The following SLC24A3 variants were observed in gnomAD, a reference collection of about 807,000 sequenced individuals.
SLC24A3 encodes solute carrier family 24 member 3, also known as sodium/potassium/calcium exchanger 3.
SLC24A3 carries 28 observed loss-of-function variants against 75.8 expected under a neutral mutation model. That is an observed-to-expected ratio of 0.37 (90% CI 0.27 to 0.51). SLC24A3 has a LOEUF of 0.51. Among genes scored for constraint, SLC24A3 ranks in the 20% least tolerant of loss-of-function variants. The pLI, the probability that SLC24A3 is intolerant of heterozygous loss-of-function variation, is 0.94. For missense variants in SLC24A3, 663 were observed against 847.8 expected, an observed-to-expected ratio of 0.78 and a Z score of 2.71; for synonymous variants, 372 against 334.1, an observed-to-expected ratio of 1.11 and a Z score of -1.24.
rs540609418 is a variant in SLC24A3, at chr20:19,240,303, A to C, written c.142+27319A>C. Among the ~76,000 whole-genome samples the C allele has an allele frequency of 3.3e-5, 5 of 152,258 alleles. No homozygotes were observed. The East Asian group carries it at 5.8e-4, about 18-fold the overall frequency. ...TTGCAGCCTCAATGGTGTACATCTG[A>C]GGTTCCTGTTGCTTTGAAATAACAT... is the stretch of plus-strand genomic sequence containing the variant. On this transcript the variant is annotated intron_variant, in intron 1 of 16. Coordinates refer to ENST00000328041, the MANE Select transcript of SLC24A3 (RefSeq NM_020689.4).
chr20:19,485,309 C>G (rs184445054), intron 2 of SLC24A3, among the ~76,000 whole-genome samples: 1 of 152,106 alleles, frequency 6.6e-6, no homozygotes, highest in Non-Finnish European at 1.5e-5. Flanking sequence ...CCTTGACACC[C>G]AGTAAGTGAA....
chr20:19,553,137 CA>C (rs1194883815), intron 3 of SLC24A3, among the ~76,000 whole-genome samples: 131 of 87,046 alleles, frequency 1.5e-3, no homozygotes, highest in African/African-American at 4.1e-3. Flanking sequence ...ATTATTCTGG[CA>C]AATCACAAGC....
At chr20:19,698,520 G>A (rs1363865216) in intron 14 of SLC24A3, 48 bp from the exon 15 acceptor site, 1 of 1,461,610 alleles carries the variant, frequency 6.8e-7, no homozygotes, top group Non-Finnish European at 9.4e-7. Context: ...TCCTGTGTGG[G>A]GCCCCTGGGT....
intron 3 of SLC24A3, among the ~76,000 whole-genome samples, chr20:19,577,878 A>G (rs1600287419): frequency 6.6e-6 from 1 of 152,352 alleles, no homozygotes; most frequent in South Asian, 2.1e-4. Context: ...AGGTTTGATA[A>G]CTTATTGTAG....
intron 2 of SLC24A3, among the ~76,000 whole-genome samples, chr20:19,339,070 T>C (rs1600437080): frequency 6.6e-6 from 1 of 152,208 alleles, no homozygotes; most frequent in Admixed American, 6.5e-5. Flanking sequence ...TCGGAAGAGC[T>C]GTGAACTTGC....
intron 2 of SLC24A3, chr20:19,284,180 T>C (rs761674605): frequency 9.1e-5 from 14 of 153,030 alleles, no homozygotes; most frequent in African/African-American, 1.2e-4. Flanking sequence ...CGGTCTGGAC[T>C]GGACAGATAT....
intron 2 of SLC24A3, among the ~76,000 whole-genome samples, chr20:19,435,539 C>A (rs1164415779): frequency 1.3e-5 from 2 of 152,160 alleles, no homozygotes; most frequent in Non-Finnish European, 2.9e-5. Context: ...ATGATGTGCT[C>A]ACAGTTCAGT....
At chr20:19,334,382 TAA>T (rs1568592388) in intron 2 of SLC24A3, among the ~76,000 whole-genome samples, 3 of 117,914 alleles carry the variant, frequency 2.5e-5, no homozygotes, top group African/African-American at 1.7e-4. Flanking sequence ...GTAAAAAAAA[TAA>T]AGAGTGCTAT....
intron 2 of SLC24A3, among the ~76,000 whole-genome samples, chr20:19,485,598 T>G (rs1485532829): frequency 6.6e-6 from 1 of 152,226 alleles, no homozygotes; most frequent in African/African-American, 2.4e-5. Flanking sequence ...TGTTATTTAT[T>G]TGTAACAAAT....
chr20:19,680,491 TTCTC>T, intron 9 of SLC24A3, among the ~76,000 whole-genome samples: 1 of 152,322 alleles, frequency 6.6e-6, no homozygotes, highest in South Asian at 2.1e-4. Context: ...ATGTCTGCCT[TTCTC>T]TGTCTGTAGT....
rs1347718088 is a variant in SLC24A3, at chr20:19,212,895, G to A, written c.53G>A (p.Arg18His). 1.5e-6 allele frequency: 2 copies of A among 1,315,110 alleles called. No individual in the cohort carries two copies. Among genetic ancestry groups the A allele is most frequent in the Non-Finnish European group, 9.7e-7 (1 of 1,027,500 alleles). 81.5% of individuals were successfully genotyped at this position (1,315,110 alleles called of 1,614,324 possible). A position where few individuals can be genotyped will look rare whatever the true frequency, so the allele number is the denominator to read the frequency against. Reference protein sequence around the residue: ...DRARRRRRRRRRRDLLLSQLC... With the variant: ...DRARRRRRRRHRRDLLLSQLC... ...GCGCGTCGCCGCCGCCGCCGCCGCC[G>A]CCGGAGGGACCTTCTGCTGAGCCAG... The change falls in exon 1 of 17, where the codon CGC becomes CAC. Residue 18 changes from arginine to histidine, a missense_variant. Arg to His is a conservative substitution (Grantham distance 29). This residue lies in a region of SLC24A3 where 153 missense variants were observed against 144.2 expected (regional missense o/e 1.06). Transcript: ENST00000328041.
chr20:19,580,634 C>T (rs2031206395), intron 4 of SLC24A3, among the ~76,000 whole-genome samples: 1 of 152,190 alleles, frequency 6.6e-6, no homozygotes, highest in Non-Finnish European at 1.5e-5. Context: ...GGCTGAACAG[C>T]AAGTTAAACC....
intron 15 of SLC24A3, among the ~76,000 whole-genome samples, chr20:19,716,878 A>T (rs1180089409): frequency 1.3e-5 from 2 of 152,164 alleles, no homozygotes; most frequent in Non-Finnish European, 2.9e-5. Flanking sequence ...TGTCTCAAAA[A>T]AAAAGAAGGA....
intron 6 of SLC24A3, among the ~76,000 whole-genome samples, chr20:19,636,771 T>A (rs762976013): frequency 2.0e-5 from 3 of 152,092 alleles, no homozygotes; most frequent in Non-Finnish European, 2.9e-5. Context: ...TAAGGCTGCT[T>A]CCTCAGGCTA....
intron 1 of SLC24A3, among the ~76,000 whole-genome samples, chr20:19,259,688 A>C (rs1409682426): frequency 6.6e-6 from 1 of 152,162 alleles, no homozygotes; most frequent in Non-Finnish European, 1.5e-5. Context: ...TTAATGTACC[A>C]CTGAGATATT....
chr20:19,277,737 C>T (rs1983528507), intron 1 of SLC24A3, among the ~76,000 whole-genome samples: 1 of 152,156 alleles, frequency 6.6e-6, no homozygotes, highest in African/African-American at 2.4e-5. Flanking sequence ...TAAAAATCCT[C>T]TAATTTTCTG....
intron 2 of SLC24A3, among the ~76,000 whole-genome samples, chr20:19,296,243 TTTC>T (rs1214319985): frequency 6.6e-6 from 1 of 151,560 alleles, no homozygotes. Context: ...TTGATTCTTT[TTTC>T]TTTATTAGTC....
chr20:19,270,386 C>G (rs988060247), intron 1 of SLC24A3, among the ~76,000 whole-genome samples: 4 of 152,132 alleles, frequency 2.6e-5, no homozygotes, highest in African/African-American at 9.7e-5. Flanking sequence ...TGAGACATAT[C>G]TTAGTTCAGG....
chr20:19,259,402 T>G (rs1342327606), intron 1 of SLC24A3, among the ~76,000 whole-genome samples: 1 of 152,222 alleles, frequency 6.6e-6, no homozygotes, highest in Non-Finnish European at 1.5e-5. Flanking sequence ...TGCTTGGCCA[T>G]GTGTTGGCAC....
Sources: gnomAD v4.1 joint callset for allele counts (sites outside exome capture counted in the v4.1 genomes callset) on GRCh38, gnomAD v4.1.1 for gene constraint, gnomAD v4.1.1 regional missense constraint, MANE v1.5 for transcripts, NCBI Gene and HGNC (gene_info 2026-07-23, HGNC 2026-07-21) for gene names.